The following RAB38 variants were observed in gnomAD, a reference collection of about 807,000 sequenced individuals.
RAB38 encodes ras-related protein Rab-38.
A neutral mutation model predicts 18.4 loss-of-function variants in RAB38; 15 were observed. The ratio of observed to expected loss-of-function variants is 0.82; its 90% CI spans 0.55 to 1.26. The LOEUF is 1.26. RAB38 is among the 50% of genes most tolerant of loss of function. The probability of loss-of-function intolerance (pLI) is 0.00; values close to 1 mark genes in which losing one functional copy is unlikely to be tolerated. For missense variants in RAB38, 294 were observed against 267.4 expected (o/e 1.10, Z -0.69); for synonymous variants, 101 against 104.4 (o/e 0.97, Z 0.20).
In RAB38 at chr11:88,136,465, C is replaced by A. The variant is rs149277470; in HGVS notation, c.483+13210G>T. ...AGTAAAGTAACAGAGAAGGAGAGGGCAAACGTGTCTTAGTAACATAACCCT... is the reference window on the plus strand; with the variant it reads ...AGTAAAGTAACAGAGAAGGAGAGGGAAAACGTGTCTTAGTAACATAACCCT... On this transcript the variant is annotated intron_variant, in intron 2 of 2. Transcript: ENST00000243662. Among the ~76,000 whole-genome samples, 817 of 152,244 alleles carry A rather than the reference C, an allele frequency of 5.4e-3. 5 individuals carry two copies. Among genetic ancestry groups the A allele is most frequent in the African/African-American group, 0.019 (778 of 41,562 alleles).
At chr11:87,841,640 C>T in the RAB38 span, among the ~76,000 whole-genome samples, 1 of 152,066 alleles carries the variant, frequency 6.6e-6, no homozygotes, top group East Asian at 1.9e-4. Context: ...AAGACCAGTC[C>T]ACCCACACAC....
At chr11:87,960,364 AG>A in the RAB38 span, among the ~76,000 whole-genome samples, 1 of 145,580 alleles carries the variant, frequency 6.9e-6, no homozygotes, top group Non-Finnish European at 1.5e-5. Flanking sequence ...CTCCTTAAAC[AG>A]AGATGGAAGA....
rs769010112 is a variant in RAB38, at chr11:88,114,134, T to A, written c.490A>T (p.Ile164Leu). 6.2e-7 allele frequency: 1 copy of A among 1,614,152 alleles called. No individual in the cohort carries two copies. The highest frequency in any genetic ancestry group is 8.5e-7 in the Non-Finnish European group (1 of 1,179,984). ...GWFETSAKENINIDEASRCLV... is the reference protein window; with the variant it reads ...GWFETSAKENLNIDEASRCLV... ...CATCTGGAGGCTTCATCAATGTTTATATTTTCCTATGAGGGAAAAAATAAA... is the reference window on the plus strand; with the variant it reads ...CATCTGGAGGCTTCATCAATGTTTAAATTTTCCTATGAGGGAAAAAATAAA... The change falls in exon 3 of 3, where the codon ATA becomes TTA. Residue 164 changes from isoleucine to leucine, a missense_variant. Physicochemically the swap from Ile to Leu is conservative, Grantham distance 5. Transcript: ENST00000243662.
At chr11:87,822,282 T>C in the RAB38 span, among the ~76,000 whole-genome samples, 1 of 152,124 alleles carries the variant, frequency 6.6e-6, no homozygotes, top group Non-Finnish European at 1.5e-5. Context: ...AAGCAAAAAA[T>C]TGTCAGAGTG....
At chr11:88,022,559 T>C in the RAB38 span, among the ~76,000 whole-genome samples, 3 of 144,788 alleles carry the variant, frequency 2.1e-5, no homozygotes, top group East Asian at 6.2e-4. Flanking sequence ...AGCCAAACTA[T>C]TCTTATTTGC....
At chr11:87,852,712 C>G in the RAB38 span, among the ~76,000 whole-genome samples, 2 of 152,064 alleles carry the variant, frequency 1.3e-5, no homozygotes, top group Admixed American at 1.3e-4. Context: ...GCTAGAAATA[C>G]GATGGTTTAC....
At chr11:87,885,437 GCTCT>G in the RAB38 span, among the ~76,000 whole-genome samples, 227 of 150,790 alleles carry the variant, frequency 1.5e-3, no homozygotes, top group Middle Eastern at 6.8e-3. Context: ...TCCTGCTTCT[GCTCT>G]CTCTGCTTTG....
At chr11:88,040,220 A>C in the RAB38 span, among the ~76,000 whole-genome samples, 1 of 152,192 alleles carries the variant, frequency 6.6e-6, no homozygotes, top group African/African-American at 2.4e-5. Context: ...GGGGGTTAGA[A>C]GTTAGAGATC....
At chr11:87,975,216 G>A in the RAB38 span, among the ~76,000 whole-genome samples, 3 of 151,828 alleles carry the variant, frequency 2.0e-5, no homozygotes, top group Non-Finnish European at 4.4e-5. Flanking sequence ...TTTATCTGCA[G>A]ATCCCCAATT....
At chr11:88,091,379 G>A in the RAB38 span, among the ~76,000 whole-genome samples, 2 of 152,010 alleles carry the variant, frequency 1.3e-5, no homozygotes, top group African/African-American at 2.4e-5. Flanking sequence ...ATGGCCACAT[G>A]CCCTTCCCCT....
At chr11:87,851,821 T>C in the RAB38 span, among the ~76,000 whole-genome samples, 3 of 152,238 alleles carry the variant, frequency 2.0e-5, no homozygotes, top group Admixed American at 6.5e-5. Context: ...AGTACCCTTG[T>C]AGGGGAGAAG....
At chr11:87,926,392 C>A in the RAB38 span, among the ~76,000 whole-genome samples, 2 of 152,168 alleles carry the variant, frequency 1.3e-5, no homozygotes, top group East Asian at 3.9e-4. Flanking sequence ...TAGATCACTT[C>A]ACTCAGCCAT....
chr11:87,860,074 C>T, the RAB38 span, among the ~76,000 whole-genome samples: 4 of 151,812 alleles, frequency 2.6e-5, no homozygotes, highest in Admixed American at 6.6e-5. Flanking sequence ...CTTAGCAGGG[C>T]GATGGAGGAG....
chr11:87,917,201 T>C, the RAB38 span, among the ~76,000 whole-genome samples: 4,841 of 152,168 alleles, frequency 0.032, 104 homozygotes, highest in Middle Eastern at 0.051. Flanking sequence ...TTAGAGGTGG[T>C]CACTGTGGCA....
chr11:87,931,165 T>C, the RAB38 span, among the ~76,000 whole-genome samples: 2 of 152,130 alleles, frequency 1.3e-5, no homozygotes, highest in Non-Finnish European at 2.9e-5. Flanking sequence ...AGTATGGCCA[T>C]TTTCACGATA....
the RAB38 span, among the ~76,000 whole-genome samples, chr11:87,872,947 T>A: frequency 2.6e-5 from 4 of 151,718 alleles, no homozygotes; most frequent in East Asian, 7.8e-4. Flanking sequence ...TGGATGTAAG[T>A]TTTCAACTCA....
the RAB38 span, chr11:88,098,724 A>G: frequency 6.6e-6 from 1 of 151,978 alleles, no homozygotes; most frequent in African/African-American, 2.4e-5. Flanking sequence ...ACCCAAGGCC[A>G]CGCTGTAAGT....
At chr11:88,054,660 T>C in the RAB38 span, among the ~76,000 whole-genome samples, 2 of 152,186 alleles carry the variant, frequency 1.3e-5, no homozygotes, top group Non-Finnish European at 2.9e-5. Context: ...AATGGAAAGA[T>C]ATACAAGGGA....
chr11:87,902,306 A>G, the RAB38 span, among the ~76,000 whole-genome samples: 7 of 151,688 alleles, frequency 4.6e-5, no homozygotes, highest in Admixed American at 4.6e-4. Flanking sequence ...TCCTTTTACA[A>G]ATACTTTTCA....
Sources: gnomAD v4.1 joint callset for allele counts (sites outside exome capture counted in the v4.1 genomes callset) on GRCh38, gnomAD v4.1.1 for gene constraint, MANE v1.5 for transcripts, NCBI Gene and HGNC (gene_info 2026-07-23, HGNC 2026-07-21) for gene names.